Variants in DNAJB6 observed in about 807,000 individuals in gnomAD.
The protein encoded by DNAJB6 is DnaJ heat shock protein family (Hsp40) member B6.
DNAJB6 carries 16 observed loss-of-function variants against 42.7 expected under a neutral mutation model. The observed-to-expected ratio is 0.37, with a 90% CI of 0.25 to 0.57. DNAJB6 has a LOEUF of 0.57. Ranked by LOEUF, DNAJB6 falls within the 20% of genes least tolerant of loss-of-function variation. The probability of loss-of-function intolerance (pLI) is 0.74; values close to 1 mark genes in which losing one functional copy is unlikely to be tolerated. For synonymous variants in DNAJB6, 170 were observed against 163.5 expected (o/e 1.04, Z -0.30); for missense variants, 347 against 416.8 (o/e 0.83, Z 1.46).
intron 8 of DNAJB6, among the ~76,000 whole-genome samples, chr7:157,394,699 A>C (rs1801500331): frequency 6.6e-6 from 1 of 152,212 alleles, no homozygotes; most frequent in African/African-American, 2.4e-5. Context: ...GGATTTGCCC[A>C]TCATGAGTAC....
At chr7:157,371,401 G>A (rs750590536) in intron 5 of DNAJB6, among the ~76,000 whole-genome samples, 1 of 152,272 alleles carries the variant, frequency 6.6e-6, no homozygotes, top group Non-Finnish European at 1.5e-5. Flanking sequence ...GAAGGGTGAA[G>A]GGGTGCCGGA....
chr7:157,390,373 G>A (rs1172033996), intron 8 of DNAJB6, among the ~76,000 whole-genome samples: 2 of 152,200 alleles, frequency 1.3e-5, no homozygotes, highest in African/African-American at 2.4e-5. Flanking sequence ...TGTTAACATC[G>A]CGTCCTTTTC....
chr7:157,354,374 C>T (rs1470265577), intron 1 of DNAJB6, among the ~76,000 whole-genome samples: 10 of 151,716 alleles, frequency 6.6e-5, no homozygotes, highest in African/African-American at 1.9e-4. Context: ...CTCGAACTCC[C>T]GACCTCAGGT....
At chr7:157,350,488 A>G (rs908770162) in intron 1 of DNAJB6, among the ~76,000 whole-genome samples, 1 of 152,184 alleles carries the variant, frequency 6.6e-6, no homozygotes, top group African/African-American at 2.4e-5. Context: ...ACTAAAATTC[A>G]GGGCTTGACT....
At chr7:157,370,446 A>C (rs1563129469) in intron 5 of DNAJB6, among the ~76,000 whole-genome samples, 1 of 152,224 alleles carries the variant, frequency 6.6e-6, no homozygotes. Flanking sequence ...TCCTTTCTTA[A>C]CATTATGATT....
chr7:157,402,968 A>G (rs548844168), intron 8 of DNAJB6, among the ~76,000 whole-genome samples: 223 of 152,246 alleles, frequency 1.5e-3, no homozygotes, highest in Non-Finnish European at 2.9e-3. Context: ...GCCGAGGTTG[A>G]GGACACGCCC....
chr7:157,340,217 C>T (rs1798288376), intron 1 of DNAJB6, among the ~76,000 whole-genome samples: 2 of 152,142 alleles, frequency 1.3e-5, no homozygotes, highest in South Asian at 2.1e-4. Flanking sequence ...TTTTTGGAAA[C>T]CTTTTTAAAA....
At chr7:157,337,353 G>T (rs1198628603) in intron 1 of DNAJB6, among the ~76,000 whole-genome samples, 1 of 151,220 alleles carries the variant, frequency 6.6e-6, no homozygotes, top group Admixed American at 6.6e-5. Flanking sequence ...GGCCGGGGCC[G>T]GGGCTGGGGT....
chr7:157,392,534 G>A lies in DNAJB6; in HGVS notation c.691+6923G>A, dbSNP rs115835640. Among the ~76,000 whole-genome samples, 502 of 152,166 alleles carry A rather than the reference G, an allele frequency of 3.3e-3. 3 individuals carry two copies. The highest frequency in any genetic ancestry group is 0.012 in the African/African-American group (479 of 41,480). On this transcript the variant is annotated intron_variant, in intron 8 of 9. Transcript: ENST00000262177. ...TTTATTTGGAAAGGTTGTTGTGTGG[G>A]AAACAGCCAGCTTTGTCCCAGATTT...
Position 157,351,797 on chromosome 7 carries a change from C to G in DNAJB6, c.-26-6750C>G, listed in dbSNP as rs149806641. Among the ~76,000 whole-genome samples, 605 of 149,894 alleles carry G rather than the reference C, an allele frequency of 4.0e-3. 3 individuals carry two copies. Among genetic ancestry groups the G allele is most frequent in the Non-Finnish European group, 5.7e-3 (385 of 67,466 alleles). On this transcript the variant is annotated intron_variant, in intron 1 of 9. Transcript: ENST00000262177. ...TGGCCAACATGGTGAAACCCTGTGT[C>G]TACTTTAAAAAAAACCCAAAAAACA... is the stretch of plus-strand genomic sequence containing the variant.
At chr7:157,361,011 A>G (rs1799556358) in intron 2 of DNAJB6, among the ~76,000 whole-genome samples, 1 of 152,146 alleles carries the variant, frequency 6.6e-6, no homozygotes. Context: ...CTTGTCCTGC[A>G]TTCTCATCCA....
chr7:157,349,245 C>T (rs151313135), intron 1 of DNAJB6, among the ~76,000 whole-genome samples: 407 of 152,210 alleles, frequency 2.7e-3, no homozygotes, highest in Admixed American at 7.4e-3. Context: ...ATTTCCAAAG[C>T]TAGCATAGTG....
chr7:157,373,229 G>C (rs962929449), intron 5 of DNAJB6, among the ~76,000 whole-genome samples: 7 of 152,228 alleles, frequency 4.6e-5, no homozygotes, highest in African/African-American at 1.7e-4. Flanking sequence ...TGGGGACCAT[G>C]ATTCAACCAC....
intron 8 of DNAJB6, among the ~76,000 whole-genome samples, chr7:157,387,096 G>T (rs989413854): frequency 2.0e-5 from 3 of 152,178 alleles, no homozygotes; most frequent in African/African-American, 7.2e-5. Flanking sequence ...TGTTCCATCC[G>T]TGCTGGCTTT....
At chr7:157,339,574 C>T (rs1563103467) in intron 1 of DNAJB6, among the ~76,000 whole-genome samples, 1 of 151,130 alleles carries the variant, frequency 6.6e-6, no homozygotes, top group African/African-American at 2.4e-5. Context: ...GCTGGGATTA[C>T]AGGCATGAGC....
intron 8 of DNAJB6, among the ~76,000 whole-genome samples, chr7:157,407,685 G>A (rs1026362959): frequency 6.6e-6 from 1 of 152,168 alleles, no homozygotes; most frequent in Non-Finnish European, 1.5e-5. Context: ...TCCCCGGGCA[G>A]CCTGCAGATG....
At chr7:157,366,310 A>G (rs1184992637) in intron 3 of DNAJB6, among the ~76,000 whole-genome samples, 192 bp from the exon 4 acceptor site, 1 of 152,106 alleles carries the variant, frequency 6.6e-6, no homozygotes, top group Non-Finnish European at 1.5e-5. Context: ...TTTTTTTTGA[A>G]TTGTTTTTCA....
chr7:157,347,449 C>G (rs905079097), intron 1 of DNAJB6, among the ~76,000 whole-genome samples: 2 of 152,222 alleles, frequency 1.3e-5, no homozygotes, highest in African/African-American at 2.4e-5. Flanking sequence ...TGAAGCCATC[C>G]TCCTGCCTCA....
At chr7:157,370,060 G>GGGCCCCTTCTTAACA (rs1563128873) in intron 5 of DNAJB6, among the ~76,000 whole-genome samples, 11 of 124,360 alleles carry the variant, frequency 8.8e-5, no homozygotes, top group African/African-American at 3.6e-4. Flanking sequence ...CTTTCATAAC[G>GGGCCCCTTCTTAACA]TTATTATTAA....
Sources: gnomAD v4.1 joint callset for allele counts (sites outside exome capture counted in the v4.1 genomes callset) on GRCh38, gnomAD v4.1.1 for gene constraint, MANE v1.5 for transcripts, NCBI Gene and HGNC (gene_info 2026-07-23, HGNC 2026-07-21) for gene names.